The following CERT1 variants were observed in gnomAD, a reference collection of about 807,000 sequenced individuals.
CERT1 encodes the protein ceramide transporter 1.
In CERT1, 31 loss-of-function variants were observed where a neutral mutation model predicts 87.9. The observed-to-expected ratio is 0.35, with a 90% CI of 0.27 to 0.48. The LOEUF is 0.48. CERT1 is among the 20% of genes least tolerant of loss of function. The pLI is 0.99. For synonymous variants in CERT1, 289 were observed against 250.9 expected (o/e 1.15, Z -1.44); for missense variants, 487 against 758.0 (o/e 0.64, Z 4.20).
intron 10 of CERT1, 128 bp from the exon 11 acceptor site, chr5:75,399,515 G>A (rs1762383103): frequency 1.4e-6 from 1 of 695,310 alleles, no homozygotes. Context: ...AAGCACAGCA[G>A]CAACTGCTGA....
At chr5:75,393,602 T>TAAACAA (rs1684968014) in intron 11 of CERT1, among the ~76,000 whole-genome samples, 2 of 32,754 alleles carry the variant, frequency 6.1e-5, no homozygotes, top group Non-Finnish European at 5.8e-5. Context: ...CTCATCTACT[T>TAAACAA]AAAAAAAAAA....
intron 3 of CERT1, among the ~76,000 whole-genome samples, chr5:75,434,697 A>T (rs1168652243): frequency 6.7e-6 from 1 of 148,470 alleles, no homozygotes; most frequent in African/African-American, 2.5e-5. Flanking sequence ...TCTGTTCAGG[A>T]TTTCATTTAC....
intron 2 of CERT1, among the ~76,000 whole-genome samples, chr5:75,503,741 A>T (rs962332544): frequency 2.5e-5 from 3 of 119,168 alleles, no homozygotes; most frequent in Non-Finnish European, 5.5e-5. Flanking sequence ...ACCACAATGA[A>T]AGTTATGCAT....
intron 3 of CERT1, among the ~76,000 whole-genome samples, chr5:75,451,388 C>T (rs1764763934): frequency 6.6e-6 from 1 of 152,142 alleles, no homozygotes; most frequent in Non-Finnish European, 1.5e-5. Context: ...ACTGTAAGAA[C>T]TATTTATGCG....
intron 3 of CERT1, among the ~76,000 whole-genome samples, chr5:75,432,938 C>G (rs1763935668): frequency 6.6e-6 from 1 of 152,146 alleles, no homozygotes; most frequent in African/African-American, 2.4e-5. Context: ...ATACTAGCAC[C>G]ATGTATTAAA....
chr5:75,411,114 G>T lies in CERT1; in HGVS notation c.838-11C>A. 6.8e-7 allele frequency: 1 copy of T among 1,464,410 alleles called. No individual in the cohort carries two copies. Among genetic ancestry groups the T allele is most frequent in the Non-Finnish European group, 9.4e-7 (1 of 1,066,842 alleles). The allele number at this position is 1,464,410 out of a possible 1,614,324, so 90.7% of individuals were successfully genotyped here. ...TTTCTTCTCAGTTTCCTATTAAAAA[G>T]AAGTGAAAAATCTGTAATTTGAGGC... On this transcript the variant is annotated splice_polypyrimidine_tract_variant and intron_variant, in intron 7 of 16. Transcript: ENST00000643780.
At chr5:75,485,332 A>AAAAAAAAAAAAAAAAAAAAAAAAAAAC in intron 2 of CERT1, among the ~76,000 whole-genome samples, 1 of 149,094 alleles carries the variant, frequency 6.7e-6, no homozygotes. Context: ...AAAAAAAAAA[A>AAAAAAAAAAAAAAAAAAAAAAAAAAAC]AAAAAGAACA....
At chr5:75,429,482 C>T (rs1331704174) in intron 3 of CERT1, among the ~76,000 whole-genome samples, 7 of 152,096 alleles carry the variant, frequency 4.6e-5, no homozygotes, top group Admixed American at 2.0e-4. Context: ...GGCTTATAGG[C>T]GTGAGCCACC....
chr5:75,490,283 C>A (rs993778498), intron 2 of CERT1, among the ~76,000 whole-genome samples: 12 of 151,666 alleles, frequency 7.9e-5, no homozygotes, highest in African/African-American at 2.9e-4. Context: ...CACCATGGCA[C>A]ATGTATACCT....
intron 2 of CERT1, among the ~76,000 whole-genome samples, chr5:75,497,205 T>C (rs1447925950): frequency 6.6e-6 from 1 of 152,168 alleles, no homozygotes; most frequent in East Asian, 1.9e-4. Flanking sequence ...GTGAGTCAAC[T>C]GCATCTTTGT....
At chr5:75,445,250 G>A (rs573686374) in intron 3 of CERT1, among the ~76,000 whole-genome samples, 5 of 152,248 alleles carry the variant, frequency 3.3e-5, no homozygotes, top group African/African-American at 1.2e-4. Context: ...ATTACAAACT[G>A]TTATTACAAT....
At chr5:75,423,913 T>C (rs1296843437) in intron 5 of CERT1, among the ~76,000 whole-genome samples, 1 of 151,952 alleles carries the variant, frequency 6.6e-6, no homozygotes, top group African/African-American at 2.4e-5. Flanking sequence ...AAAGGGAATA[T>C]AGAATAGACA....
At chr5:75,484,717 C>T (rs1320749942) in intron 2 of CERT1, among the ~76,000 whole-genome samples, 2 of 151,820 alleles carry the variant, frequency 1.3e-5, no homozygotes, top group Non-Finnish European at 2.9e-5. Flanking sequence ...CACTAGACCA[C>T]CCAGATATAT....
chr5:75,502,678 T>G (rs1411686909), intron 2 of CERT1, among the ~76,000 whole-genome samples: 1 of 152,122 alleles, frequency 6.6e-6, no homozygotes, highest in Non-Finnish European at 1.5e-5. Context: ...TGGTTGTCCC[T>G]CAAGTGCAAG....
At chr5:75,460,593 G>A (rs1708975181) in intron 2 of CERT1, among the ~76,000 whole-genome samples, 1 of 152,184 alleles carries the variant, frequency 6.6e-6, no homozygotes, top group African/African-American at 2.4e-5. Context: ...ACAGTAGAGA[G>A]AGTCAATCAA....
At chr5:75,418,682 C>T (rs1054875404) in intron 6 of CERT1, among the ~76,000 whole-genome samples, 14 of 152,056 alleles carry the variant, frequency 9.2e-5, no homozygotes, top group South Asian at 2.1e-4. Context: ...CTGATATATG[C>T]AACAATAATG....
intron 2 of CERT1, among the ~76,000 whole-genome samples, chr5:75,498,615 CAAAG>C: frequency 6.6e-6 from 1 of 152,204 alleles, no homozygotes; most frequent in Non-Finnish European, 1.5e-5. Flanking sequence ...CCAGTGGGTG[CAAAG>C]AAGTCAAGAA....
intron 3 of CERT1, among the ~76,000 whole-genome samples, chr5:75,439,082 T>C (rs777739405): frequency 6.6e-6 from 1 of 151,944 alleles, no homozygotes; most frequent in Non-Finnish European, 1.5e-5. Context: ...AAATCCAATA[T>C]ATATATACCT....
chr5:75,455,122 A>G (rs895090549), intron 3 of CERT1, among the ~76,000 whole-genome samples: 2 of 152,214 alleles, frequency 1.3e-5, no homozygotes, highest in Admixed American at 6.5e-5. Flanking sequence ...GATGCGATGC[A>G]ATGCCTACAG....
Sources: gnomAD v4.1 joint callset for allele counts (sites outside exome capture counted in the v4.1 genomes callset) on GRCh38, gnomAD v4.1.1 for gene constraint, MANE v1.5 for transcripts, NCBI Gene and HGNC (gene_info 2026-07-23, HGNC 2026-07-21) for gene names.